PLAUR: variants seen among roughly 807,000 people sequenced by gnomAD.
The protein encoded by PLAUR is plasminogen activator, urokinase receptor.
In PLAUR, 22 loss-of-function variants were observed where a neutral mutation model predicts 33.4. The ratio of observed to expected loss-of-function variants is 0.66; its 90% CI spans 0.47 to 0.94. The LOEUF (loss-of-function observed/expected upper bound fraction) is 0.94. PLAUR is among the 40% of genes least tolerant of loss of function. PLAUR has a pLI of 0.00. For missense variants in PLAUR, 408 were observed against 434.7 expected, an observed-to-expected ratio of 0.94 and a Z score of 0.55; for synonymous variants, 148 against 167.3, an observed-to-expected ratio of 0.88 and a Z score of 0.89.
In PLAUR at chr19:43,665,307, C is replaced by T. The variant is rs372921334; in HGVS notation, c.310+9G>A. 2.2e-5 allele frequency: 35 copies of T among 1,613,540 alleles called. No homozygotes were observed. The highest frequency in any genetic ancestry group is 1.7e-4 in the Admixed American group (10 of 59,936). ...TGGGGTTGGGGATGGCAAGGGCTGC[C>T]CTACTCACCAGAGTTGCCCTGGTTG... is the stretch of plus-strand genomic sequence containing the variant. On this transcript the variant is annotated intron_variant, in intron 3 of 6. Transcript: ENST00000340093.
At chr19:43,664,058 T>C (rs150182203) in intron 3 of PLAUR, among the ~76,000 whole-genome samples, 328 of 152,076 alleles carry the variant, frequency 2.2e-3, no homozygotes, top group Non-Finnish European at 3.3e-3. Context: ...TGTTAAATAT[T>C]TTCGCTATCA....
intron 2 of PLAUR, among the ~76,000 whole-genome samples, chr19:43,666,519 C>A (rs1431334237): frequency 7.1e-6 from 1 of 140,934 alleles, no homozygotes; most frequent in East Asian, 2.4e-4. Context: ...CTCTCTCCGT[C>A]CCTCCCTCCC....
intron 3 of PLAUR, among the ~76,000 whole-genome samples, chr19:43,662,118 C>T (rs1967023750): frequency 1.3e-5 from 2 of 152,210 alleles, no homozygotes; most frequent in Admixed American, 1.3e-4. Flanking sequence ...TGGACAACCT[C>T]GCCCACCCCC....
downstream of PLAUR, chr19:43,646,630 A>G (rs1600107486): frequency 1.4e-6 from 1 of 694,322 alleles, no homozygotes; most frequent in South Asian, 1.5e-5. Context: ...ACCACATTCT[A>G]CTGGTCAAAG....
intron 2 of PLAUR, among the ~76,000 whole-genome samples, chr19:43,665,680 T>G (rs1023159540): frequency 2.1e-3 from 1 of 474 alleles, no homozygotes; most frequent in African/African-American, 8.5e-3. Context: ...TAATTAATTT[T>G]TTTTTCCGGG....
chr19:43,662,121 C>A (rs1036397891), intron 3 of PLAUR, among the ~76,000 whole-genome samples: 1 of 152,194 alleles, frequency 6.6e-6, no homozygotes, highest in African/African-American at 2.4e-5. Context: ...ACAACCTCGC[C>A]CACCCCCAAG....
At chr19:43,646,415 T>C (rs1973826001), downstream of PLAUR, 1 of 716,956 alleles carries the variant, frequency 1.4e-6, no homozygotes, top group Non-Finnish European at 2.6e-6. Flanking sequence ...GTGCCTGGGC[T>C]GAGATGGCTG....
chr19:43,659,342 A>G (rs559527916), intron 3 of PLAUR, among the ~76,000 whole-genome samples: 34 of 151,560 alleles, frequency 2.2e-4, no homozygotes, highest in African/African-American at 7.5e-4. Flanking sequence ...TTGTAGAGAC[A>G]AGGTCTTGCT....
At chr19:43,659,167 C>CTATTTTT (rs1555780397) in intron 3 of PLAUR, among the ~76,000 whole-genome samples, 2 of 97,138 alleles carry the variant, frequency 2.1e-5, no homozygotes, top group Non-Finnish European at 1.9e-5. Flanking sequence ...CTTTTCTTTT[C>CTATTTTT]TTTTTTTTTT....
chr19:43,648,850 T>C lies in PLAUR; in HGVS notation c.*40A>G, dbSNP rs546081076. ...GGGAGCCGAGGGAAGGGCAAAGGGG[T>C]CCCCCGGATCCAGCCAGGGCAGAGA... On this transcript the variant is annotated 3_prime_UTR_variant, in exon 7 of 7. Coordinates refer to ENST00000340093, the MANE Select transcript of PLAUR (RefSeq NM_002659.4). 5.7e-6 allele frequency: 9 copies of C among 1,585,462 alleles called. No individual in the cohort carries two copies. In the African/African-American group the frequency reaches 6.7e-5, roughly 12 times the overall value.
intron 6 of PLAUR, among the ~76,000 whole-genome samples, chr19:43,650,996 G>A (rs1222532662): frequency 6.8e-6 from 1 of 146,406 alleles, no homozygotes; most frequent in Admixed American, 6.9e-5. Context: ...CCATGCCACT[G>A]CACTCTAGCC....
chr19:43,652,208 C>T lies in PLAUR; in HGVS notation c.754+17G>A. The T allele has an allele frequency of 6.2e-7, 1 of 1,613,560 alleles. No homozygotes were observed. The highest frequency in any genetic ancestry group is 1.1e-5 in the South Asian group (1 of 91,054). Reference sequence around the variant, plus strand: ...CCCCCAATAAGTGTTCCCTCCCAGCCTCGGAGAGGGCCTCACCGTGAGTGC... The same window carrying T: ...CCCCCAATAAGTGTTCCCTCCCAGCTTCGGAGAGGGCCTCACCGTGAGTGC... On this transcript the variant is annotated intron_variant, in intron 6 of 6. Transcript: ENST00000340093.
intron 5 of PLAUR, 69 bp from the exon 6 acceptor site, chr19:43,652,440 C>G: frequency 6.9e-7 from 1 of 1,447,250 alleles, no homozygotes; most frequent in Non-Finnish European, 9.6e-7. Context: ...CTTGAATGAC[C>G]TCCCCAGGAC....
At chr19:43,652,453 C>A in intron 5 of PLAUR, 82 bp from the exon 6 acceptor site, 3 of 1,324,838 alleles carry the variant, frequency 2.3e-6, no homozygotes, top group Non-Finnish European at 3.2e-6. Flanking sequence ...CCCAGGACTT[C>A]CACTCCGAGC....
At chr19:43,646,570 A>C, downstream of PLAUR, 1 of 716,422 alleles carries the variant, frequency 1.4e-6, no homozygotes, top group Non-Finnish European at 2.6e-6. Context: ...AAAGTGAAAA[A>C]TGAAAGTTTC....
At chr19:43,667,252 G>A (rs1386538801) in intron 2 of PLAUR, 1 of 369,796 alleles carries the variant, frequency 2.7e-6, no homozygotes, top group East Asian at 5.8e-5. Flanking sequence ...CTGGGTATAT[G>A]TGGCCAAGGT....
At chr19:43,657,868 T>C (rs1974276727) in intron 3 of PLAUR, among the ~76,000 whole-genome samples, 1 of 152,166 alleles carries the variant, frequency 6.6e-6, no homozygotes, top group South Asian at 2.1e-4. Flanking sequence ...GTCTCCAAAA[T>C]GGCCCCCAAT....
intron 2 of PLAUR, 66 bp from the exon 3 acceptor site, chr19:43,665,525 G>A: frequency 6.5e-7 from 1 of 1,533,466 alleles, no homozygotes; most frequent in Non-Finnish European, 9.0e-7. Flanking sequence ...TGACACTCCT[G>A]GTCTCAAGGT....
At chr19:43,648,540 C>T, downstream of PLAUR, 4 of 991,892 alleles carry the variant, frequency 4.0e-6, no homozygotes, top group Middle Eastern at 5.0e-4. Context: ...TTTATCCTCC[C>T]AAAGATAGAC....
Sources: allele counts gnomAD v4.1 joint callset (sites outside exome capture counted in the v4.1 genomes callset), GRCh38; gene constraint gnomAD v4.1.1; transcripts MANE v1.5; gene names NCBI Gene and HGNC (gene_info 2026-07-23, HGNC 2026-07-21).